The following MAGEC3 variants were observed in gnomAD, a reference collection of about 807,000 sequenced individuals.
MAGEC3 encodes the protein MAGE family member C3.
MAGEC3 carries 34 observed loss-of-function variants against 35.3 expected under a neutral mutation model. The observed-to-expected ratio is 0.96, with a 90% CI of 0.73 to 1.28. MAGEC3 has a LOEUF of 1.28. Ranked by LOEUF, MAGEC3 falls within the 50% of genes most tolerant of loss-of-function variation. The pLI is 0.00. For synonymous variants in MAGEC3, 202 were observed against 185.6 expected (o/e 1.09, Z -0.72); for missense variants, 561 against 483.6 (o/e 1.16, Z -1.50).
chrX:141,870,005 A>T (rs2017877668), intron 2 of MAGEC3, among the ~76,000 whole-genome samples: 1 of 111,502 alleles, frequency 9.0e-6, no homozygotes, highest in Non-Finnish European at 1.9e-5. Flanking sequence ...AGTACCCAAA[A>T]GCCAGGGGTT....
intron 1 of MAGEC3, among the ~76,000 whole-genome samples, chrX:141,846,018 A>C (rs2017714251): frequency 9.0e-6 from 1 of 110,851 alleles, no homozygotes; most frequent in Admixed American, 9.6e-5. Flanking sequence ...AAAATGTATT[A>C]TGTTTTAGTT....
At chrX:141,885,370 T>TA (rs1229632436) in intron 4 of MAGEC3, among the ~76,000 whole-genome samples, 1 of 109,720 alleles carries the variant, frequency 9.1e-6, no homozygotes, top group Admixed American at 9.8e-5. Context: ...CTTGGGGAGT[T>TA]AAAAAAGGTT....
intron 1 of MAGEC3, among the ~76,000 whole-genome samples, chrX:141,863,692 G>C: frequency 9.0e-6 from 1 of 111,072 alleles, no homozygotes; most frequent in Non-Finnish European, 1.9e-5. Context: ...CAATAAAAAA[G>C]ATATACAGAT....
At chrX:141,841,781 C>T (rs1224350587) in intron 1 of MAGEC3, among the ~76,000 whole-genome samples, 1 of 111,451 alleles carries the variant, frequency 9.0e-6, no homozygotes, top group Admixed American at 9.6e-5. Context: ...GAAATAGTAC[C>T]CTTCCTTTTC....
rs778593619 is a variant in MAGEC3, at chrX:141,891,694, T to C, written c.910-3575T>C. Among the ~76,000 whole-genome samples the C allele has an allele frequency of 1.6e-3, 170 of 103,929 alleles. 1 individual carries two copies. The highest frequency in any genetic ancestry group is 5.8e-3 in the African/African-American group (167 of 28,997). 90.2% of individuals were successfully genotyped at this position (103,929 alleles called of 115,157 possible). A position where few individuals can be genotyped will look rare whatever the true frequency, so the allele number is the denominator to read the frequency against. Reference sequence around the variant, plus strand: ...ATATATATGCATATATAAATATATATATTTATATATGCATATATAAATATA... The same window carrying C: ...ATATATATGCATATATAAATATATACATTTATATATGCATATATAAATATA... On this transcript the variant is annotated intron_variant, in intron 4 of 7. Coordinates refer to ENST00000298296, the MANE Select transcript of MAGEC3 (RefSeq NM_138702.1).
intron 1 of MAGEC3, among the ~76,000 whole-genome samples, chrX:141,861,034 A>G (rs1385000580): frequency 9.0e-6 from 1 of 111,695 alleles, no homozygotes; most frequent in African/African-American, 3.3e-5. Context: ...TTTATTTGTA[A>G]AAGTACAAAG....
intron 4 of MAGEC3, among the ~76,000 whole-genome samples, chrX:141,893,717 G>T (rs937222854): frequency 2.0e-5 from 2 of 102,343 alleles, no homozygotes; most frequent in Non-Finnish European, 4.0e-5. Flanking sequence ...CAGGAATTGG[G>T]GGGGGGGGCG....
At position 141,873,281 on chromosome X, in the gene MAGEC3, C is replaced by T. The variant is rs187628814; in HGVS notation, c.259-5894C>T. Reference sequence around the variant, plus strand: ...ACCTCTTCCTGCAGCTGCAGGCATACTCCCTGAGTCTGCTTTTAGCTTCCC... The same window carrying T: ...ACCTCTTCCTGCAGCTGCAGGCATATTCCCTGAGTCTGCTTTTAGCTTCCC... On this transcript the variant is annotated intron_variant, in intron 2 of 7. Transcript: ENST00000298296. Among the ~76,000 whole-genome samples, 4 of 111,005 alleles carry T rather than the reference C, an allele frequency of 3.6e-5. No individual in the cohort carries two copies. The East Asian group carries it at 1.1e-3, about 32-fold the overall frequency.
At chrX:141,842,251 A>G (rs907219617) in intron 1 of MAGEC3, among the ~76,000 whole-genome samples, 3 of 111,803 alleles carry the variant, frequency 2.7e-5, no homozygotes, top group African/African-American at 9.7e-5. Flanking sequence ...GTATGCAACA[A>G]TGAAAACTAG....
chrX:141,841,763 C>T lies in MAGEC3; in HGVS notation c.123+3325C>T, dbSNP rs747118935. On this transcript the variant is annotated intron_variant, in intron 1 of 7. Transcript: ENST00000298296. ...CCGTTTGCTTCTAGATGCCCCTTCA[C>T]GGCTTTTGAAATAGTACCCTTCCTT... Among the ~76,000 whole-genome samples the T allele has an allele frequency of 5.2e-4, 58 of 111,725 alleles. No individual in the cohort carries two copies. In the South Asian group the frequency reaches 7.4e-3, roughly 14 times the overall value.
chrX:141,839,459 A>C, intron 1 of MAGEC3: 5 of 752,734 alleles, frequency 6.6e-6, no homozygotes, highest in Non-Finnish European at 7.8e-6. Flanking sequence ...AGCTTCATTC[A>C]CTCTGCTGTC....
chrX:141,858,269 TG>T (rs1332168626), intron 1 of MAGEC3, among the ~76,000 whole-genome samples: 2 of 111,144 alleles, frequency 1.8e-5, no homozygotes, highest in African/African-American at 6.5e-5. Flanking sequence ...ATGGATTATC[TG>T]ATGCTTCTTC....
In MAGEC3 at chrX:141,879,426, G is replaced by A. The variant is rs754570334; in HGVS notation, c.510G>A (p.Ala170=). 5.9e-6 allele frequency: 7 copies of A among 1,176,675 alleles called. No individual in the cohort carries two copies. Among genetic ancestry groups the A allele is most frequent in the South Asian group, 3.8e-5 (2 of 52,969 alleles). Residue 170 remains alanine, a synonymous_variant, in exon 3 of 8, where the codon GCG becomes GCA. Coordinates refer to ENST00000298296, the MANE Select transcript of MAGEC3 (RefSeq NM_138702.1). ...GAAAAAGGTTGTGGGGGGAGAAAGC[G>A]GGGAGGTGGGCAGGGAAATATGGAC... ...SPGKRLWGEK[A]GSLPESEPLF... is the part of the protein sequence containing the mutation.
chrX:141,841,264 G>A (rs2017683911), intron 1 of MAGEC3, among the ~76,000 whole-genome samples: 1 of 111,521 alleles, frequency 9.0e-6, no homozygotes, highest in South Asian at 3.7e-4. Flanking sequence ...ACTCCTTTTG[G>A]ATATTTCAGG....
chrX:141,878,674 A>C (rs1430098420), intron 2 of MAGEC3, among the ~76,000 whole-genome samples: 1 of 111,936 alleles, frequency 8.9e-6, no homozygotes. Flanking sequence ...CAGAGGAAGG[A>C]CTGGTGAGAC....
intron 1 of MAGEC3, among the ~76,000 whole-genome samples, chrX:141,862,391 G>GA: frequency 9.0e-6 from 1 of 111,601 alleles, no homozygotes; most frequent in Non-Finnish European, 1.9e-5. Flanking sequence ...TCAGAAAACT[G>GA]AAAAAAAGAA....
chrX:141,840,128 G>T (rs2017677403), intron 1 of MAGEC3, among the ~76,000 whole-genome samples: 1 of 111,852 alleles, frequency 8.9e-6, no homozygotes, highest in Admixed American at 9.5e-5. Flanking sequence ...GATTGGCAGG[G>T]AGGTTGATAG....
intron 1 of MAGEC3, among the ~76,000 whole-genome samples, chrX:141,860,759 G>C (rs1360349702): frequency 8.9e-6 from 1 of 112,087 alleles, no homozygotes; most frequent in East Asian, 2.8e-4. Context: ...AATTAAGGCA[G>C]ACAGAAAGTA....
chrX:141,864,431 C>T (rs764782705), intron 1 of MAGEC3, among the ~76,000 whole-genome samples: 22 of 110,559 alleles, frequency 2.0e-4, no homozygotes, highest in African/African-American at 6.9e-4. Context: ...ATTTCTGAGT[C>T]ATATGGTAAG....
Sources: gnomAD v4.1 joint callset for allele counts (sites outside exome capture counted in the v4.1 genomes callset) on GRCh38, gnomAD v4.1.1 for gene constraint, MANE v1.5 for transcripts, NCBI Gene and HGNC (gene_info 2026-07-23, HGNC 2026-07-21) for gene names.